ZNF474: variants seen among roughly 807,000 people sequenced by gnomAD.
The protein encoded by ZNF474 is zinc finger protein 474.
For synonymous variants in ZNF474, 192 were observed against 162.2 expected (o/e 1.18, Z -1.39); for missense variants, 511 against 433.8 (o/e 1.18, Z -1.58).
At chr5:122,139,630 G>T (rs1755786242) in intron 1 of ZNF474, among the ~76,000 whole-genome samples, 1 of 152,018 alleles carries the variant, frequency 6.6e-6, no homozygotes, top group Admixed American at 6.6e-5. Flanking sequence ...CCTGGTATTT[G>T]AAAAACTAGA....
At chr5:122,133,153 A>C (rs890605749) in intron 1 of ZNF474, among the ~76,000 whole-genome samples, 2 of 152,242 alleles carry the variant, frequency 1.3e-5, no homozygotes, top group African/African-American at 4.8e-5. Context: ...TTAATATAGA[A>C]TGTGACTTGA....
chr5:122,150,160 C>A (rs1756127502), intron 1 of ZNF474, among the ~76,000 whole-genome samples: 1 of 152,092 alleles, frequency 6.6e-6, no homozygotes, highest in Non-Finnish European at 1.5e-5. Context: ...GGATTTAAAA[C>A]CTAATGAAAT....
chr5:122,145,959 T>C (rs1456517415), intron 1 of ZNF474, among the ~76,000 whole-genome samples: 1 of 152,172 alleles, frequency 6.6e-6, no homozygotes, highest in African/African-American at 2.4e-5. Flanking sequence ...GGCTGGTGAT[T>C]GCATCTGGTG....
chr5:122,130,160 CT>C (rs910860349), intron 1 of ZNF474, among the ~76,000 whole-genome samples: 28 of 151,050 alleles, frequency 1.9e-4, no homozygotes, highest in African/African-American at 6.8e-4. Context: ...GTTGTCTTGG[CT>C]TTTTTTTTAA....
At position 122,152,918 on chromosome 5, in the gene ZNF474, C is replaced by A. The variant is rs1359934996; in HGVS notation, c.928C>A (p.Pro310Thr). The change falls in exon 2 of 2, where the codon CCT becomes ACT. Residue 310 changes from proline to threonine, a missense_variant. By Grantham distance (38) the Pro-to-Thr change is conservative. Coordinates refer to ENST00000296600, the MANE Select transcript of ZNF474 (RefSeq NM_207317.3). ...ACACCAGAGAAGTTGTAAAACTCAT[C>A]CTTATGGGCCAAAATATCAGAATTT... Reference protein sequence around the residue: ...LVHQRSCKTHPYGPKYQNLNL... With the variant: ...LVHQRSCKTHTYGPKYQNLNL... The A allele has an allele frequency of 1.2e-6, 2 of 1,611,864 alleles. No individual in the cohort carries two copies. Among genetic ancestry groups the A allele is most frequent in the Admixed American group, 1.7e-5 (1 of 59,920 alleles).
At chr5:122,149,201 T>C (rs1455556999) in intron 1 of ZNF474, among the ~76,000 whole-genome samples, 5 of 152,188 alleles carry the variant, frequency 3.3e-5, no homozygotes, top group Admixed American at 6.5e-5. Flanking sequence ...GCTTACTACC[T>C]GGGAGACAGA....
chr5:122,151,455 C>A (rs979779736), intron 1 of ZNF474, among the ~76,000 whole-genome samples: 1 of 152,094 alleles, frequency 6.6e-6, no homozygotes, highest in Non-Finnish European at 1.5e-5. Flanking sequence ...TCTCACCACC[C>A]TGGTCTCAGC....
chr5:122,130,916 A>T (rs1755559489), intron 1 of ZNF474, among the ~76,000 whole-genome samples: 1 of 152,068 alleles, frequency 6.6e-6, no homozygotes, highest in African/African-American at 2.4e-5. Context: ...ATTCTTAATT[A>T]TAATCACAAT....
intron 1 of ZNF474, among the ~76,000 whole-genome samples, chr5:122,145,196 G>A (rs1755957464): frequency 6.6e-6 from 1 of 152,180 alleles, no homozygotes; most frequent in South Asian, 2.1e-4. Flanking sequence ...TTTTTCATCA[G>A]TTATTTATAA....
rs1756213090 is a variant in ZNF474, at chr5:122,152,457, CT to C, written c.468del (p.Ala157HisfsTer162). On this transcript the variant is annotated frameshift_variant, in exon 2 of 2. Coordinates refer to ENST00000296600, the MANE Select transcript of ZNF474 (RefSeq NM_207317.3). LOFTEE classifies it low-confidence loss of function (END_TRUNC). ...GSYSLQATNE[A>X]AFQSAQAQLL... is the part of the protein sequence containing the mutation. ...TACAGTCTTCAGGCAACTAACGAGG[CT>C]GCATTTCAGAGTGCCCAGGCTCAGC... is the stretch of plus-strand genomic sequence containing the variant. 1 of 1,614,100 alleles carries C rather than the reference CT, an allele frequency of 6.2e-7. No homozygotes were observed. The highest frequency in any genetic ancestry group is 1.3e-5 in the African/African-American group (1 of 74,948).
chr5:122,145,269 A>G (rs2152605760), intron 1 of ZNF474, among the ~76,000 whole-genome samples: 1 of 152,304 alleles, frequency 6.6e-6, no homozygotes, highest in Non-Finnish European at 1.5e-5. Flanking sequence ...TTTTATGAAA[A>G]TGTTTCCACT....
chr5:122,146,067 A>G (rs1051047571), intron 1 of ZNF474, among the ~76,000 whole-genome samples: 1 of 152,190 alleles, frequency 6.6e-6, no homozygotes, highest in African/African-American at 2.4e-5. Flanking sequence ...TGTTGCTGGA[A>G]TAATGCTCAC....
In ZNF474 at chr5:122,152,259, G is replaced by T. The variant is rs116158782; in HGVS notation, c.269G>T (p.Arg90Leu). 3.1e-6 allele frequency: 5 copies of T among 1,614,062 alleles called. No individual in the cohort carries two copies. The highest frequency in any genetic ancestry group is 2.2e-5 in the East Asian group (1 of 44,882). ...CTTAGCCCCCCTGTGATCCCGGCCC[G>T]CAGGCCTGGATTCCGGGTATGCTAT... ...SQLSPPVIPA[R>L]RPGFRVCYIC... Residue 90 changes from arginine to leucine, a missense_variant, in exon 2 of 2, where the codon CGC (arginine) becomes CTC (leucine). Arg to Leu is a moderately radical substitution (Grantham distance 102). Transcript: ENST00000296600.
At chr5:122,140,592 A>G (rs887930975) in intron 1 of ZNF474, among the ~76,000 whole-genome samples, 43 of 152,234 alleles carry the variant, frequency 2.8e-4, no homozygotes, top group Non-Finnish European at 6.0e-4. Context: ...AACAAAACAG[A>G]GTGAAATACA....
rs200600820 is a variant in ZNF474, at chr5:122,152,160, A to G, written c.170A>G (p.Asp57Gly). Residue 57 changes from aspartate (D) to glycine (G), a missense_variant, in exon 2 of 2, where the codon GAC becomes GGC. Asp to Gly is a moderately conservative substitution (Grantham distance 94). Transcript: ENST00000296600. ...AATCCTGGTGAAAATATAAAGACAGACACTCAGAAAAAGAGACCTGGGACT... is the reference window on the plus strand; with the variant it reads ...AATCCTGGTGAAAATATAAAGACAGGCACTCAGAAAAAGAGACCTGGGACT... ...SVNPGENIKT[D>G]TQKKRPGTVI... 1.9e-6 allele frequency: 3 copies of G among 1,614,154 alleles called. No individual in the cohort carries two copies. In the Admixed American group the frequency reaches 5.0e-5, roughly 27 times the overall value.
In ZNF474 at chr5:122,153,149, G is replaced by C; in HGVS notation, c.*64G>C. On this transcript the variant is annotated 3_prime_UTR_variant, in exon 2 of 2. Coordinates refer to ENST00000296600, the MANE Select transcript of ZNF474 (RefSeq NM_207317.3). Reference sequence around the variant, plus strand: ...AGCCCCTAGTATTTTTTCTATCAATGCCTTGTATCAGCCTCAAAGCAGCCT... The same window carrying C: ...AGCCCCTAGTATTTTTTCTATCAATCCCTTGTATCAGCCTCAAAGCAGCCT... The C allele has an allele frequency of 6.5e-7, 1 of 1,537,456 alleles. No homozygotes were observed. Among genetic ancestry groups the C allele is most frequent in the Non-Finnish European group, 8.7e-7 (1 of 1,145,528 alleles).
intron 1 of ZNF474, among the ~76,000 whole-genome samples, chr5:122,140,585 A>G (rs1266568514): frequency 6.6e-6 from 1 of 152,254 alleles, no homozygotes; most frequent in African/African-American, 2.4e-5. Context: ...ATGATAAAAC[A>G]AAACAGAGTG....
Position 122,151,886 on chromosome 5 carries a change from G to T in ZNF474, c.-105G>T. 7.1e-7 allele frequency: 1 copy of T among 1,413,738 alleles called. No individual in the cohort carries two copies. Among genetic ancestry groups the T allele is most frequent in the Non-Finnish European group, 9.5e-7 (1 of 1,056,012 alleles). 87.6% of individuals were successfully genotyped at this position (1,413,738 alleles called of 1,614,324 possible). A position where few individuals can be genotyped will look rare whatever the true frequency, so the allele number is the denominator to read the frequency against. On this transcript the variant is annotated 5_prime_UTR_variant, in exon 2 of 2. Coordinates refer to ENST00000296600, the MANE Select transcript of ZNF474 (RefSeq NM_207317.3). ...GTGAGGCTAAGGTACTGGCAACGGT[G>T]TGAACCCCAGGACAACTAACCTCAC...
intron 1 of ZNF474, among the ~76,000 whole-genome samples, chr5:122,133,442 GA>G (rs1446025606): frequency 6.6e-6 from 1 of 152,088 alleles, no homozygotes; most frequent in Non-Finnish European, 1.5e-5. Flanking sequence ...TGTTAACTAA[GA>G]AAAAATATTT....
Sources: allele counts gnomAD v4.1 joint callset (sites outside exome capture counted in the v4.1 genomes callset), GRCh38; gene constraint gnomAD v4.1.1; transcripts MANE v1.5; gene names NCBI Gene and HGNC (gene_info 2026-07-23, HGNC 2026-07-21).